FAM170A: variants seen among roughly 807,000 people sequenced by gnomAD.
FAM170A encodes family with sequence similarity 170 member A, also known as protein FAM170A.
Under a neutral mutation model 36.6 loss-of-function variants are expected in FAM170A, and 28 were observed. The observed-to-expected ratio is 0.76, with a 90% CI of 0.57 to 1.05. FAM170A has a LOEUF of 1.05. FAM170A is among the 50% of genes least tolerant of loss of function. FAM170A has a pLI of 0.00. For missense variants in FAM170A, 434 were observed against 396.5 expected (o/e 1.09, Z -0.80); for synonymous variants, 156 against 143.9 (o/e 1.08, Z -0.60).
At chr5:119,634,904 C>T in intron 3 of FAM170A, 124 bp from the exon 4 acceptor site, 1 of 1,332,210 alleles carries the variant, frequency 7.5e-7, no homozygotes, top group Non-Finnish European at 1.1e-6. Flanking sequence ...GCCTAGGCAT[C>T]TAATAAAGTC....
At chr5:119,629,794 A>G (rs1342777798) in exon 1 of FAM170A, 1 of 1,613,732 alleles carries the variant, frequency 6.2e-7, no homozygotes, top group South Asian at 1.1e-5. Flanking sequence ...AAGAGGAAAC[A>G]TTTGGAAAAT....
chr5:119,634,359 C>T (rs1260137041), exon 3 of FAM170A: 3 of 1,614,068 alleles, frequency 1.9e-6, no homozygotes, highest in Non-Finnish European at 2.5e-6. Context: ...GACAGCCTGC[C>T]AGGCTCACCC....
At chr5:119,630,864 C>T (rs1460746015) in intron 1 of FAM170A, among the ~76,000 whole-genome samples, 2 of 152,142 alleles carry the variant, frequency 1.3e-5, no homozygotes, top group Non-Finnish European at 2.9e-5. Context: ...ACGAGAGTAG[C>T]CCAATGAGTT....
chr5:119,631,826 C>T (rs1300947138), intron 1 of FAM170A, among the ~76,000 whole-genome samples: 1 of 152,098 alleles, frequency 6.6e-6, no homozygotes, highest in African/African-American at 2.4e-5. Context: ...ATCATACATG[C>T]CATATCTGCA....
At chr5:119,631,298 G>C (rs548880686) in intron 1 of FAM170A, among the ~76,000 whole-genome samples, 1 of 152,292 alleles carries the variant, frequency 6.6e-6, no homozygotes, top group South Asian at 2.1e-4. Context: ...GTGGAGAGTA[G>C]GCATGGAGAG....
exon 3 of FAM170A, chr5:119,634,489 G>A (rs1756335015): frequency 1.2e-6 from 2 of 1,614,058 alleles, no homozygotes; most frequent in African/African-American, 2.7e-5. Flanking sequence ...AGGAGCATGT[G>A]CAGTTTGGGA....
At chr5:119,630,281 A>C (rs1392385574) in intron 1 of FAM170A, among the ~76,000 whole-genome samples, 1 of 140,822 alleles carries the variant, frequency 7.1e-6, no homozygotes, top group African/African-American at 2.7e-5. Context: ...CAGCCTCCCG[A>C]GTAGCTGGGA....
chr5:119,632,436 GAC>G (rs1169793923), intron 1 of FAM170A, among the ~76,000 whole-genome samples: 1 of 152,078 alleles, frequency 6.6e-6, no homozygotes, highest in Admixed American at 6.5e-5. Flanking sequence ...AAACTCCACA[GAC>G]ACAGACACAT....
At chr5:119,634,710 T>C (rs1756342402) in exon 3 of FAM170A, 1 of 1,545,304 alleles carries the variant, frequency 6.5e-7, no homozygotes, top group Non-Finnish European at 8.7e-7. Context: ...CCAGGCTGTG[T>C]GTTTCATTCT....
chr5:119,634,406 T>G (rs1173670881), exon 3 of FAM170A: 3 of 1,614,150 alleles, frequency 1.9e-6, no homozygotes, highest in South Asian at 1.1e-5. Context: ...GACTCCTGAC[T>G]GGCTGGTGAC....
At chr5:119,634,804 G>C in intron 3 of FAM170A, 70 bp downstream of exon 3, 1 of 1,456,654 alleles carries the variant, frequency 6.9e-7, no homozygotes. Context: ...TGTCTCCCCA[G>C]TTCAGGCTTA....
rs373177857 is a variant in FAM170A at position 119,633,978 on chromosome 5, G to A, written c.230G>A (p.Arg77Gln). ...TTCCCAGGAATCCAGAGAATACATC[G>A]AGACAGCCCCCAGCCTCAATCACCC... is the stretch of plus-strand genomic sequence containing the variant. The change falls in exon 3 of 5, where the codon CGA becomes CAA. Residue 77 changes from arginine (R) to glutamine (Q), a missense_variant. By Grantham distance (43) the Arg-to-Gln change is conservative (BLOSUM62 1). Transcript: ENST00000613773. 67 of 1,611,086 alleles carry A rather than the reference G, an allele frequency of 4.2e-5. No individual in the cohort carries two copies. Among genetic ancestry groups the A allele is most frequent in the South Asian group, 4.0e-4 (36 of 90,866 alleles).
exon 5 of FAM170A, chr5:119,635,783 G>A (rs911437213): frequency 6.5e-6 from 1 of 154,310 alleles, no homozygotes; most frequent in African/African-American, 2.4e-5. Context: ...AGTCTAACAT[G>A]TAAACATCAT....
exon 3 of FAM170A, chr5:119,634,418 A>G: frequency 6.2e-7 from 1 of 1,614,150 alleles, no homozygotes; most frequent in Middle Eastern, 1.6e-4. Context: ...GCTGGTGACC[A>G]TGGAGAACGG....
chr5:119,632,198 G>A (rs765364809), intron 1 of FAM170A, among the ~76,000 whole-genome samples: 4 of 152,158 alleles, frequency 2.6e-5, no homozygotes, highest in South Asian at 2.1e-4. Flanking sequence ...TCTGCTTAAT[G>A]TCTGTCTTCC....
intron 2 of FAM170A, among the ~76,000 whole-genome samples, chr5:119,633,396 A>G (rs328696): frequency 0.69 from 104,879 of 151,868 alleles, 36,431 homozygotes; most frequent in South Asian, 0.77. Flanking sequence ...AGCAGAGGCC[A>G]GAAAAGTCTG....
rs904567323 is a variant in FAM170A at position 119,634,925 on chromosome 5, G to A, written c.987-106G>A. 26 of 1,461,186 alleles carry A rather than the reference G, an allele frequency of 1.8e-5. No individual in the cohort carries two copies. The African/African-American group carries it at 2.9e-4, about 17-fold the overall frequency. 90.5% of individuals were successfully genotyped at this position (1,461,186 alleles called of 1,614,324 possible). ...GCATCTAATAAAGTCTCGATTGTAA[G>A]TCAGGATTTGTCTTGACCTTTCCAG... On this transcript the variant is annotated intron_variant, in intron 3 of 4. Transcript: ENST00000613773.
chr5:119,632,915 G>A (rs369820511), intron 2 of FAM170A, 27 bp downstream of exon 2: 33 of 1,553,844 alleles, frequency 2.1e-5, no homozygotes, highest in South Asian at 2.4e-5. Context: ...CCTTCGGCAC[G>A]TGGCTCCTTG....
intron 1 of FAM170A, among the ~76,000 whole-genome samples, chr5:119,631,921 G>T: frequency 6.6e-6 from 1 of 152,064 alleles, no homozygotes; most frequent in East Asian, 1.9e-4. Flanking sequence ...TAGGGTTGCC[G>T]GATAAAATAC....
Sources: gnomAD v4.1 joint callset for allele counts (sites outside exome capture counted in the v4.1 genomes callset) on GRCh38, gnomAD v4.1.1 for gene constraint, MANE v1.5 for transcripts, NCBI Gene and HGNC (gene_info 2026-07-23, HGNC 2026-07-21) for gene names.